The following MED13L variants were observed in gnomAD, a reference collection of about 807,000 sequenced individuals.
The protein encoded by MED13L is mediator complex subunit 13L.
MED13L carries 7 observed loss-of-function variants against 220.9 expected under a neutral mutation model. The observed-to-expected ratio is 0.03, with a 90% CI of 0.02 to 0.06. The LOEUF is 0.06. Among genes scored for constraint, MED13L ranks in the 10% least tolerant of loss-of-function variants. The pLI is 1.00. For synonymous variants in MED13L, 1,011 were observed against 1,015.2 expected, an observed-to-expected ratio of 1.00 and a Z score of 0.08; for missense variants, 1,965 against 2,760.5, an observed-to-expected ratio of 0.71 and a Z score of 6.46.
chr12:116,054,467 A>T (rs1029659035), intron 4 of MED13L, among the ~76,000 whole-genome samples: 5 of 152,230 alleles, frequency 3.3e-5, no homozygotes, highest in Admixed American at 6.5e-5. Flanking sequence ...ACCTTCTTTG[A>T]GTACCTACTA....
intron 4 of MED13L, among the ~76,000 whole-genome samples, chr12:116,068,758 C>A (rs1195191322): frequency 6.7e-6 from 1 of 148,668 alleles, no homozygotes; most frequent in African/African-American, 2.5e-5. Context: ...CTGTACTCTC[C>A]CTGAAATTGT....
chr12:116,023,817 CTT>C (rs1880210944), intron 4 of MED13L, among the ~76,000 whole-genome samples: 1 of 152,024 alleles, frequency 6.6e-6, no homozygotes, highest in African/African-American at 2.4e-5. Context: ...TTTAAAAACC[CTT>C]GATACCATAC....
At chr12:116,183,848 T>C (rs1880705872) in intron 2 of MED13L, among the ~76,000 whole-genome samples, 1 of 93,192 alleles carries the variant, frequency 1.1e-5, no homozygotes, top group Middle Eastern at 5.0e-3. Flanking sequence ...GTGTGTAAAA[T>C]GAGATTTTAA....
intron 4 of MED13L, among the ~76,000 whole-genome samples, chr12:116,078,877 A>G (rs1460241643): frequency 6.6e-6 from 1 of 152,344 alleles, no homozygotes; most frequent in South Asian, 2.1e-4. Flanking sequence ...AAGACTAAAA[A>G]TTTTAAAAAG....
chr12:116,209,050 A>G (rs781365640), intron 2 of MED13L, among the ~76,000 whole-genome samples: 21 of 152,176 alleles, frequency 1.4e-4, no homozygotes, highest in Non-Finnish European at 2.9e-4. Context: ...AAAAATGGAA[A>G]TATTAAAGCC....
intron 4 of MED13L, among the ~76,000 whole-genome samples, chr12:116,095,909 G>T (rs1872597479): frequency 6.6e-6 from 1 of 152,130 alleles, no homozygotes; most frequent in East Asian, 1.9e-4. Context: ...ATGGCTAAAA[G>T]TTTAGGATTG....
At chr12:116,078,001 G>A (rs972491101) in intron 4 of MED13L, among the ~76,000 whole-genome samples, 30 of 151,962 alleles carry the variant, frequency 2.0e-4, no homozygotes, top group African/African-American at 6.8e-4. Context: ...AACATTAGCC[G>A]GGCATGGTGG....
At chr12:115,994,940 A>T (rs1260457748) in intron 16 of MED13L, among the ~76,000 whole-genome samples, 1 of 152,222 alleles carries the variant, frequency 6.6e-6, no homozygotes, top group African/African-American at 2.4e-5. Flanking sequence ...GAGGCAGAGC[A>T]GGATTACTCC....
At chr12:116,143,417 T>G (rs1005520948) in intron 2 of MED13L, among the ~76,000 whole-genome samples, 9 of 152,152 alleles carry the variant, frequency 5.9e-5, no homozygotes, top group African/African-American at 2.2e-4. Context: ...ATGCTCCTGC[T>G]TCTTGAAAGT....
intron 4 of MED13L, among the ~76,000 whole-genome samples, chr12:116,071,664 T>C (rs576301635): frequency 2.0e-4 from 30 of 152,344 alleles, no homozygotes; most frequent in Non-Finnish European, 3.7e-4. Context: ...TTTCATCATA[T>C]GATGTGATTA....
chr12:115,988,780 T>C (rs1033477603), intron 17 of MED13L, among the ~76,000 whole-genome samples: 17 of 152,326 alleles, frequency 1.1e-4, no homozygotes, highest in East Asian at 7.7e-4. Context: ...AAATGTCTTA[T>C]TTTTCATCCT....
At chr12:116,157,885 G>A (rs1375662042) in intron 2 of MED13L, among the ~76,000 whole-genome samples, 2 of 152,122 alleles carry the variant, frequency 1.3e-5, no homozygotes, top group East Asian at 1.9e-4. Flanking sequence ...AAGTCAATGC[G>A]AGGCAAGTCC....
chr12:116,130,808 G>A (rs1226607994), intron 2 of MED13L, among the ~76,000 whole-genome samples: 2 of 151,482 alleles, frequency 1.3e-5, no homozygotes, highest in Non-Finnish European at 2.9e-5. Context: ...GAATATATGT[G>A]GATTATTGTA....
intron 1 of MED13L, among the ~76,000 whole-genome samples, chr12:116,260,228 G>A (rs908688366): frequency 6.6e-6 from 1 of 152,140 alleles, no homozygotes. Context: ...CACATACGAA[G>A]GCTGAATTAA....
chr12:116,261,963 A>C (rs1287678875), intron 1 of MED13L, among the ~76,000 whole-genome samples: 1 of 152,204 alleles, frequency 6.6e-6, no homozygotes, highest in African/African-American at 2.4e-5. Flanking sequence ...CACAGGGCCC[A>C]CATGGGTTTT....
intron 2 of MED13L, among the ~76,000 whole-genome samples, chr12:116,209,971 T>A (rs1233308193): frequency 6.6e-6 from 1 of 152,174 alleles, no homozygotes; most frequent in African/African-American, 2.4e-5. Context: ...AGTTAACCAT[T>A]TCTCCCTTAA....
intron 3 of MED13L, 149 bp downstream of exon 3, chr12:116,111,279 A>G (rs1874055585): frequency 1.4e-6 from 1 of 690,452 alleles, no homozygotes; most frequent in Admixed American, 2.4e-5. Context: ...AAATTATATC[A>G]ATAGAAAGAG....
intron 4 of MED13L, among the ~76,000 whole-genome samples, chr12:116,054,210 ACAAACAC>A (rs1868752579): frequency 6.7e-6 from 1 of 148,438 alleles, no homozygotes; most frequent in African/African-American, 2.5e-5. Context: ...ACACACACAC[ACAAACAC>A]ACACACACAC....
chr12:116,014,521 T>C (rs1170215657), intron 8 of MED13L, among the ~76,000 whole-genome samples: 2 of 152,164 alleles, frequency 1.3e-5, no homozygotes, highest in African/African-American at 2.4e-5. Flanking sequence ...AAAAATCAAT[T>C]CTCTCCTTTT....
Sources: allele counts gnomAD v4.1 joint callset (sites outside exome capture counted in the v4.1 genomes callset), GRCh38; gene constraint gnomAD v4.1.1; transcripts MANE v1.5; gene names NCBI Gene and HGNC (gene_info 2026-07-23, HGNC 2026-07-21).